The following SLC9C1 variants were observed in gnomAD, a reference collection of about 807,000 sequenced individuals.
SLC9C1 encodes the protein sodium/hydrogen exchanger 10.
Under a neutral mutation model 140.9 loss-of-function variants are expected in SLC9C1, and 97 were observed. The observed-to-expected ratio is 0.69, with a 90% confidence interval of 0.58 to 0.82. SLC9C1 has a LOEUF of 0.82. Among genes scored for constraint, SLC9C1 ranks in the 40% least tolerant of loss-of-function variants. The pLI, the probability that SLC9C1 is intolerant of heterozygous loss-of-function variation, is 0.00. For missense variants in SLC9C1, 1,340 were observed against 1,389.3 expected, an observed-to-expected ratio of 0.96 and a Z score of 0.56; for synonymous variants, 440 against 442.6, an observed-to-expected ratio of 0.99 and a Z score of 0.07.
intron 20 of SLC9C1, among the ~76,000 whole-genome samples, chr3:112,186,313 A>C (rs2077539366): frequency 6.6e-6 from 1 of 152,180 alleles, no homozygotes; most frequent in African/African-American, 2.4e-5. Context: ...ACCTTCTAGA[A>C]GTTTATTGTT....
chr3:112,243,910 A>G (rs1576431965), intron 11 of SLC9C1, 85 bp downstream of exon 11: 1 of 991,290 alleles, frequency 1.0e-6, no homozygotes, highest in Non-Finnish European at 1.5e-6. Context: ...TAGGCTGTAT[A>G]TGGATTCTTT....
chr3:112,215,199 G>A (rs535789708), intron 15 of SLC9C1, among the ~76,000 whole-genome samples: 14 of 152,076 alleles, frequency 9.2e-5, no homozygotes, highest in African/African-American at 3.4e-4. Flanking sequence ...GGTATTGATG[G>A]GACGTATCTC....
At chr3:112,265,860 T>G (rs576134922) in intron 8 of SLC9C1, among the ~76,000 whole-genome samples, 83 of 152,270 alleles carry the variant, frequency 5.5e-4, no homozygotes, top group African/African-American at 1.9e-3. Flanking sequence ...TGCCTTAAGT[T>G]CAACTTAATT....
chr3:112,202,575 A>G (rs976043018), intron 17 of SLC9C1, among the ~76,000 whole-genome samples, 176 bp from the exon 18 acceptor site: 2 of 152,104 alleles, frequency 1.3e-5, no homozygotes, highest in Non-Finnish European at 2.9e-5. Flanking sequence ...CTTCATGACT[A>G]TAGCTATTTC....
intron 10 of SLC9C1, among the ~76,000 whole-genome samples, chr3:112,253,367 C>T (rs544765313): frequency 1.9e-4 from 29 of 152,250 alleles, no homozygotes; most frequent in African/African-American, 6.7e-4. Context: ...AAGGAGCCCA[C>T]ATGTTCAGGG....
rs568287273 is a variant in SLC9C1 at position 112,193,926 on chromosome 3, A to C, written c.2523+5395T>G. On this transcript the variant is annotated intron_variant, in intron 20 of 28. Transcript: ENST00000305815. ...CTGATCCTAGGCCCCAGTTTCACAC[A>C]ACTGGGTTTGTGGCATTCAGTCATT... Among the ~76,000 whole-genome samples, 5 of 152,178 alleles carry C rather than the reference A, an allele frequency of 3.3e-5. No homozygotes were observed. The South Asian group carries it at 1.0e-3, about 32-fold the overall frequency.
chr3:112,204,113 A>T (rs2077978310), intron 17 of SLC9C1, 105 bp downstream of exon 17: 2 of 1,204,262 alleles, frequency 1.7e-6, no homozygotes, highest in Non-Finnish European at 2.1e-6. Flanking sequence ...ATAAACATTA[A>T]CCCAACAGAA....
At chr3:112,162,619 GC>G (rs1287107011) in intron 26 of SLC9C1, among the ~76,000 whole-genome samples, 40 of 152,210 alleles carry the variant, frequency 2.6e-4, no homozygotes, top group Admixed American at 2.6e-3. Flanking sequence ...CAGGGATGAA[GC>G]CCACTTGACC....
At chr3:112,263,896 G>A (rs1221480835) in intron 9 of SLC9C1, among the ~76,000 whole-genome samples, 1 of 151,658 alleles carries the variant, frequency 6.6e-6, no homozygotes. Flanking sequence ...ATATAATATT[G>A]AGCAAAAACA....
At chr3:112,185,693 G>C in intron 20 of SLC9C1, 2 of 1,546,058 alleles carry the variant, frequency 1.3e-6, no homozygotes, top group South Asian at 1.2e-5. Flanking sequence ...GTGCACGCTC[G>C]TGCCACCACT....
chr3:112,159,284 A>C (rs529894574), intron 26 of SLC9C1, among the ~76,000 whole-genome samples: 1 of 152,072 alleles, frequency 6.6e-6, no homozygotes, highest in African/African-American at 2.4e-5. Flanking sequence ...AAGTTTTTTT[A>C]AATTTCACGT....
At position 112,200,730 on chromosome 3, in the gene SLC9C1, T is replaced by C. The variant is rs2077885704; in HGVS notation, c.2355A>G (p.Glu785=). 2 of 1,610,014 alleles carry C rather than the reference T, an allele frequency of 1.2e-6. No homozygotes were observed. The highest frequency in any genetic ancestry group is 1.7e-6 in the Non-Finnish European group (2 of 1,178,246). Reference sequence around the variant, plus strand: ...ACTTACCTAGCTCTTTTATAGCATGTTCCATATTCCTTATCACTTGCTTTA... The same window carrying C: ...ACTTACCTAGCTCTTTTATAGCATGCTCCATATTCCTTATCACTTGCTTTA... ...MLLKQVIRNM[E]HAIKELGYLE... The change falls in exon 19 of 29, where the codon GAA becomes GAG. Residue 785 remains glutamate, a synonymous_variant. Transcript: ENST00000305815.
intron 15 of SLC9C1, among the ~76,000 whole-genome samples, chr3:112,216,444 T>C (rs1323117187): frequency 1.3e-5 from 2 of 151,976 alleles, no homozygotes; most frequent in Non-Finnish European, 2.9e-5. Flanking sequence ...AGAAAATTTT[T>C]GCAATATACC....
At chr3:112,238,871 G>A (rs1165516382) in intron 12 of SLC9C1, among the ~76,000 whole-genome samples, 2 of 151,618 alleles carry the variant, frequency 1.3e-5, no homozygotes, top group Non-Finnish European at 2.9e-5. Context: ...GCCCCTACTG[G>A]GGGGTGCCTC....
At chr3:112,275,902 CG>C (rs2080200933) in intron 5 of SLC9C1, among the ~76,000 whole-genome samples, 4 of 151,812 alleles carry the variant, frequency 2.6e-5, no homozygotes, top group Non-Finnish European at 5.9e-5. Context: ...TTATGAGACT[CG>C]ATGAGAGCAG....
intron 12 of SLC9C1, among the ~76,000 whole-genome samples, chr3:112,234,013 G>A (rs2078910044): frequency 6.6e-6 from 1 of 152,138 alleles, no homozygotes; most frequent in African/African-American, 2.4e-5. Context: ...GGATGGCTGG[G>A]TCAAATGGTA....
intron 28 of SLC9C1, among the ~76,000 whole-genome samples, chr3:112,149,787 G>C (rs529309809): frequency 6.6e-6 from 1 of 152,244 alleles, no homozygotes; most frequent in East Asian, 1.9e-4. Flanking sequence ...ATCTGCCTGG[G>C]TGGGGAGCAG....
chr3:112,221,021 A>G, intron 14 of SLC9C1, 107 bp downstream of exon 14: 1 of 789,066 alleles, frequency 1.3e-6, no homozygotes, highest in Non-Finnish European at 2.1e-6. Flanking sequence ...TATTAATATT[A>G]ATAGTAGAGG....
At chr3:112,152,668 A>G (rs2075020100) in intron 27 of SLC9C1, among the ~76,000 whole-genome samples, 1 of 151,996 alleles carries the variant, frequency 6.6e-6, no homozygotes. Context: ...CTTGGACAAT[A>G]CCCAGGCTTT....
Sources: gnomAD v4.1 joint callset for allele counts (sites outside exome capture counted in the v4.1 genomes callset) on GRCh38, gnomAD v4.1.1 for gene constraint, MANE v1.5 for transcripts, NCBI Gene and HGNC (gene_info 2026-07-23, HGNC 2026-07-21) for gene names.